The following CCDC150 variants were observed in gnomAD, a reference collection of about 807,000 sequenced individuals.
CCDC150 encodes the protein coiled-coil domain-containing protein 150.
Under a neutral mutation model 156.5 loss-of-function variants are expected in CCDC150, and 151 were observed. The observed-to-expected ratio is 0.97, with a 90% CI of 0.85 to 1.10. The LOEUF (loss-of-function observed/expected upper bound fraction) is 1.10. Ranked by LOEUF, CCDC150 falls within the 50% of genes least tolerant of loss-of-function variation. The pLI is 0.00. For synonymous variants in CCDC150, 452 were observed against 429.4 expected (o/e 1.05, Z -0.65); for missense variants, 1,312 against 1,268.1 (o/e 1.03, Z -0.53).
chr2:196,732,354 A>G lies in CCDC150; in HGVS notation c.3190-92A>G, dbSNP rs917677955. 3.6e-6 allele frequency: 4 copies of G among 1,112,402 alleles called. No homozygotes were observed. In the African/African-American group the frequency reaches 6.2e-5, roughly 17 times the overall value. The allele number at this position is 1,112,402 out of a possible 1,614,324, so 68.9% of individuals were successfully genotyped here. Reference sequence around the variant, plus strand: ...TTTTAGATTAGAATCACTTGTCTTCATGAATAGATGACATGTGTAGAGGCA... The same window carrying G: ...TTTTAGATTAGAATCACTTGTCTTCGTGAATAGATGACATGTGTAGAGGCA... On this transcript the variant is annotated intron_variant, in intron 27 of 27. Coordinates refer to ENST00000389175, the MANE Select transcript of CCDC150 (RefSeq NM_001080539.2).
intron 23 of CCDC150, 39 bp downstream of exon 23, chr2:196,729,426 G>A: frequency 6.3e-7 from 1 of 1,585,746 alleles, no homozygotes; most frequent in Admixed American, 1.7e-5. Flanking sequence ...TGGATACCCT[G>A]TGAGGATGTA....
rs557169714 is a variant in CCDC150 at position 196,720,764 on chromosome 2, A to G, written c.2259+96A>G. 3.1e-4 allele frequency: 341 copies of G among 1,096,290 alleles called. 3 individuals are homozygous for G. The African/African-American group carries it at 5.0e-3, about 16-fold the overall frequency. The allele number at this position is 1,096,290 out of a possible 1,614,324, so 67.9% of individuals were successfully genotyped here. On this transcript the variant is annotated intron_variant, in intron 20 of 27. Coordinates refer to ENST00000389175, the MANE Select transcript of CCDC150 (RefSeq NM_001080539.2). ...AAAATGAAGTGAAACTATCAGGTAA[A>G]TGTTTTTTTCAATCAAGTCTGAGTT...
chr2:196,719,874 G>A (rs1697777267), intron 19 of CCDC150: 1 of 385,818 alleles, frequency 2.6e-6, no homozygotes, highest in African/African-American at 2.1e-5. Flanking sequence ...CTATTGTGTA[G>A]TGATGTGAAG....
rs781468613 is a variant in CCDC150 at position 196,730,979 on chromosome 2, G to A, written c.3069+34G>A. On this transcript the variant is annotated intron_variant, in intron 26 of 27. Coordinates refer to ENST00000389175, the MANE Select transcript of CCDC150 (RefSeq NM_001080539.2). ...GACCCACGGACATAAAGACTTAGAC[G>A]TTTCCTTCAACACAGCAACCCTGAA... 49 of 1,525,052 alleles carry A rather than the reference G, an allele frequency of 3.2e-5. 1 individual carries two copies. The South Asian group carries it at 5.4e-4, about 17-fold the overall frequency. 94.5% of individuals were successfully genotyped at this position (1,525,052 alleles called of 1,614,324 possible).
intron 5 of CCDC150, among the ~76,000 whole-genome samples, chr2:196,665,041 A>G (rs554404060): frequency 7.5e-4 from 114 of 152,334 alleles, no homozygotes; most frequent in African/African-American, 2.7e-3. Flanking sequence ...GATAAAAAAT[A>G]TGTAGATAAA....
At chr2:196,669,276 C>T (rs1049290464) in intron 7 of CCDC150, among the ~76,000 whole-genome samples, 1 of 152,120 alleles carries the variant, frequency 6.6e-6, no homozygotes, top group African/African-American at 2.4e-5. Context: ...GAAACCTGCT[C>T]CATGCTGTGT....
intron 21 of CCDC150, among the ~76,000 whole-genome samples, chr2:196,722,761 A>G (rs535283121): frequency 3.3e-5 from 5 of 152,230 alleles, no homozygotes; most frequent in Non-Finnish European, 4.4e-5. Flanking sequence ...AAACTCTCCA[A>G]TGTCAGTTTA....
intron 5 of CCDC150, among the ~76,000 whole-genome samples, chr2:196,663,841 C>T (rs558596781): frequency 2.9e-4 from 44 of 151,960 alleles, no homozygotes; most frequent in Non-Finnish European, 5.0e-4. Context: ...ATGTCATCTA[C>T]GCTGGGGTTT....
chr2:196,718,232 C>T (rs1183230619), intron 17 of CCDC150: 1 of 196,378 alleles, frequency 5.1e-6, no homozygotes, highest in Non-Finnish European at 1.0e-5. Flanking sequence ...AATAATTTCT[C>T]TCCCATTTTA....
intron 13 of CCDC150, among the ~76,000 whole-genome samples, chr2:196,678,237 A>G (rs1240851027): frequency 6.6e-6 from 1 of 152,236 alleles, no homozygotes; most frequent in Non-Finnish European, 1.5e-5. Context: ...GCAAGGAGTT[A>G]TTAGCTTACT....
intron 13 of CCDC150, among the ~76,000 whole-genome samples, chr2:196,680,104 G>A (rs1018457549): frequency 6.6e-6 from 1 of 152,058 alleles, no homozygotes; most frequent in Non-Finnish European, 1.5e-5. Flanking sequence ...AAGAGCAGAA[G>A]TTTTAAATTT....
chr2:196,684,728 CTGTT>C (rs1323405369), intron 13 of CCDC150, among the ~76,000 whole-genome samples: 1 of 152,042 alleles, frequency 6.6e-6, no homozygotes, highest in African/African-American at 2.4e-5. Flanking sequence ...CTTGTGGCCT[CTGTT>C]AGGTGCATAT....
intron 2 of CCDC150, among the ~76,000 whole-genome samples, chr2:196,656,087 T>G (rs1460625561): frequency 1.3e-5 from 2 of 152,128 alleles, no homozygotes; most frequent in Non-Finnish European, 2.9e-5. Context: ...GTATGAAGCC[T>G]CTGTAAGTGC....
rs558594845 is a variant in CCDC150, at chr2:196,703,643, T to C, written c.1695+2463T>C. ...GAGGCTATGACCCATGACTTTAACC[T>C]TTTTTTAGTTTTTCCAAGAAAAATG... On this transcript the variant is annotated intron_variant, in intron 15 of 27. Transcript: ENST00000389175. 1.4e-4 allele frequency among the ~76,000 whole-genome samples: 22 copies of C among 152,256 alleles called. No homozygotes were observed. In the East Asian group the frequency reaches 2.7e-3, roughly 19 times the overall value.
Position 196,689,675 on chromosome 2 carries a change from A to G in CCDC150, c.1510-5371A>G, listed in dbSNP as rs1202606071. Among the ~76,000 whole-genome samples, 10 of 151,714 alleles carry G rather than the reference A, an allele frequency of 6.6e-5. No homozygotes were observed. In the East Asian group the frequency reaches 1.9e-3, roughly 29 times the overall value. ...GACAACGGGGTTTTCTAGATATACA[A>G]TCATGTCATCTGCAAACAGGGACAA... On this transcript the variant is annotated intron_variant, in intron 13 of 27. Transcript: ENST00000389175.
rs372497106 is a variant in CCDC150 at position 196,730,973 on chromosome 2, T to A, written c.3069+28T>A. ...GAGCCAGACCCACGGACATAAAGAC[T>A]TAGACGTTTCCTTCAACACAGCAAC... On this transcript the variant is annotated intron_variant, in intron 26 of 27. Coordinates refer to ENST00000389175, the MANE Select transcript of CCDC150 (RefSeq NM_001080539.2). The A allele has an allele frequency of 5.0e-5, 78 of 1,545,938 alleles. No individual in the cohort carries two copies. The African/African-American group carries it at 9.6e-4, about 19-fold the overall frequency.
At chr2:196,646,066 G>A (rs1361925078) in intron 1 of CCDC150, among the ~76,000 whole-genome samples, 1 of 152,126 alleles carries the variant, frequency 6.6e-6, no homozygotes, top group Admixed American at 6.5e-5. Flanking sequence ...ATGGGTTGTG[G>A]GTCTGTTTGA....
intron 20 of CCDC150, among the ~76,000 whole-genome samples, 189 bp from the exon 21 acceptor site, chr2:196,721,333 C>T (rs73045589): frequency 0.059 from 2,409 of 40,974 alleles, 95 homozygotes; most frequent in African/African-American, 0.17. Context: ...CTAATGAGTT[C>T]TCATTCATAT....
chr2:196,726,386 T>A (rs1698212503), intron 22 of CCDC150: 1 of 263,286 alleles, frequency 3.8e-6, no homozygotes, highest in East Asian at 7.7e-5. Flanking sequence ...AGAAGAGAAA[T>A]CATCTGTCTT....
Sources: allele counts gnomAD v4.1 joint callset (sites outside exome capture counted in the v4.1 genomes callset), GRCh38; gene constraint gnomAD v4.1.1; transcripts MANE v1.5; gene names NCBI Gene and HGNC (gene_info 2026-07-23, HGNC 2026-07-21).